Variants in JPH3 observed in about 807,000 individuals in gnomAD.
JPH3 encodes the protein junctophilin-3.
JPH3 carries 11 observed loss-of-function variants against 59.6 expected under a neutral mutation model. The observed-to-expected ratio is 0.18, with a 90% CI of 0.12 to 0.31. The LOEUF is 0.31. Among genes scored for constraint, JPH3 ranks in the 10% least tolerant of loss-of-function variants. The pLI, the probability that JPH3 is intolerant of heterozygous loss-of-function variation, is 1.00. For missense variants in JPH3, 1,202 were observed against 1,105.7 expected, an observed-to-expected ratio of 1.09 and a Z score of -1.24; for synonymous variants, 673 against 483.6, an observed-to-expected ratio of 1.39 and a Z score of -5.14.
At chr16:87,634,565 C>T (rs377115710) in intron 1 of JPH3, among the ~76,000 whole-genome samples, 3 of 152,242 alleles carry the variant, frequency 2.0e-5, no homozygotes, top group East Asian at 1.9e-4. Context: ...TTCGTCTCCT[C>T]CCAGCCGCAG....
intron 1 of JPH3, among the ~76,000 whole-genome samples, chr16:87,616,213 TG>T (rs2030957061): frequency 1.4e-5 from 2 of 145,118 alleles, no homozygotes; most frequent in African/African-American, 2.6e-5. Flanking sequence ...TGTGTGTGTG[TG>T]TGTGTGTGTG....
chr16:87,621,457 C>T (rs2031182518), intron 1 of JPH3, among the ~76,000 whole-genome samples: 1 of 152,222 alleles, frequency 6.6e-6, no homozygotes, highest in Non-Finnish European at 1.5e-5. Flanking sequence ...CAGGACTGGG[C>T]CTGGGGGCTT....
chr16:87,659,150 G>C (rs1194498998), intron 2 of JPH3, among the ~76,000 whole-genome samples: 1 of 152,040 alleles, frequency 6.6e-6, no homozygotes, highest in African/African-American at 2.4e-5. Flanking sequence ...AAAGCAGGCG[G>C]ATCACTTGAG....
At chr16:87,642,851 G>T (rs2150844025) in intron 1 of JPH3, among the ~76,000 whole-genome samples, 1 of 152,356 alleles carries the variant, frequency 6.6e-6, no homozygotes, top group African/African-American at 2.4e-5. Context: ...CAAGACATGG[G>T]CCCAGGTCTG....
chr16:87,684,484 C>G (rs1197287925), intron 3 of JPH3: 1 of 647,208 alleles, frequency 1.5e-6, no homozygotes, highest in Non-Finnish European at 2.6e-6. Flanking sequence ...CTTGGCAGGT[C>G]TCTCCCATTC....
At chr16:87,634,558 G>A (rs936281532) in intron 1 of JPH3, among the ~76,000 whole-genome samples, 5 of 152,200 alleles carry the variant, frequency 3.3e-5, no homozygotes, top group East Asian at 1.9e-4. Flanking sequence ...TGCAGGCTTC[G>A]TCTCCTCCCA....
At chr16:87,679,944 GC>G (rs919776525) in intron 2 of JPH3, among the ~76,000 whole-genome samples, 3 of 152,234 alleles carry the variant, frequency 2.0e-5, no homozygotes, top group African/African-American at 7.2e-5. Context: ...AGCCTTGGGT[GC>G]ACCCCAACCC....
intron 2 of JPH3, among the ~76,000 whole-genome samples, chr16:87,673,279 G>A (rs930635930): frequency 6.6e-6 from 1 of 151,530 alleles, no homozygotes; most frequent in Admixed American, 6.6e-5. Flanking sequence ...AAAACTACAA[G>A]GAGATAATGC....
intron 2 of JPH3, among the ~76,000 whole-genome samples, chr16:87,646,330 A>G (rs1428240070): frequency 6.6e-6 from 1 of 152,244 alleles, no homozygotes; most frequent in African/African-American, 2.4e-5. Flanking sequence ...TTTAGAGGGA[A>G]TCAAGATCGA....
intron 2 of JPH3, among the ~76,000 whole-genome samples, chr16:87,658,079 A>G (rs1221971487): frequency 6.6e-6 from 1 of 152,188 alleles, no homozygotes; most frequent in African/African-American, 2.4e-5. Flanking sequence ...CTACCCCGGA[A>G]GGCACCATGC....
chr16:87,686,836 G>A (rs1242514715), intron 3 of JPH3, among the ~76,000 whole-genome samples: 1 of 152,214 alleles, frequency 6.6e-6, no homozygotes, highest in African/African-American at 2.4e-5. Context: ...GCGGGCCCCT[G>A]TGGGGGCCGC....
chr16:87,673,644 G>A (rs2150868065), intron 2 of JPH3, among the ~76,000 whole-genome samples: 1 of 152,334 alleles, frequency 6.6e-6, no homozygotes, highest in Middle Eastern at 3.4e-3. Flanking sequence ...TAAAACAAGA[G>A]GCTGGGCACG....
intron 2 of JPH3, among the ~76,000 whole-genome samples, chr16:87,658,467 A>G (rs761439976): frequency 7.1e-5 from 10 of 141,058 alleles, no homozygotes; most frequent in African/African-American, 1.9e-4. Context: ...TCTCTGTCCT[A>G]TTTTTCTCCA....
intron 2 of JPH3, among the ~76,000 whole-genome samples, chr16:87,669,214 C>T (rs1032019913): frequency 1.3e-5 from 2 of 152,120 alleles, no homozygotes; most frequent in African/African-American, 4.8e-5. Flanking sequence ...CCCTGGTCAG[C>T]CCCGAGTCCT....
rs1330227525 is a variant in JPH3, at chr16:87,684,720, C to T, written c.1285+454C>T. Among the ~76,000 whole-genome samples the T allele has an allele frequency of 2.6e-5, 4 of 152,250 alleles. No homozygotes were observed. In the East Asian group the frequency reaches 7.7e-4, roughly 29 times the overall value. On this transcript the variant is annotated intron_variant, in intron 3 of 4. Transcript: ENST00000284262. ...ATGTGAACTAACTTACCATTAAACA[C>T]ACCCAGTGGCTGCTGGGTTGGACAG...
chr16:87,649,154 G>A (rs914931874), intron 2 of JPH3, among the ~76,000 whole-genome samples: 14 of 152,186 alleles, frequency 9.2e-5, no homozygotes, highest in Non-Finnish European at 1.3e-4. Context: ...CAGTGGCCCC[G>A]CGGAGCTGAG....
chr16:87,679,251 C>T (rs1411447898), intron 2 of JPH3, among the ~76,000 whole-genome samples: 1 of 151,746 alleles, frequency 6.6e-6, no homozygotes, highest in Non-Finnish European at 1.5e-5. Flanking sequence ...CTCTTTCTTT[C>T]TTTAAAAATT....
intron 1 of JPH3, among the ~76,000 whole-genome samples, chr16:87,613,976 C>T (rs948347381): frequency 6.6e-6 from 1 of 152,192 alleles, no homozygotes; most frequent in Admixed American, 6.5e-5. Context: ...TCCGAGATGC[C>T]TTTCTTGATG....
intron 2 of JPH3, among the ~76,000 whole-genome samples, chr16:87,674,428 CTG>C (rs2033095511): frequency 6.6e-6 from 1 of 152,216 alleles, no homozygotes; most frequent in African/African-American, 2.4e-5. Context: ...TGTTTGAAAA[CTG>C]GAGCCTGTCC....
Sources: allele counts gnomAD v4.1 joint callset (sites outside exome capture counted in the v4.1 genomes callset), GRCh38; gene constraint gnomAD v4.1.1; transcripts MANE v1.5; gene names NCBI Gene and HGNC (gene_info 2026-07-23, HGNC 2026-07-21).